CYP2C8: variants seen among roughly 807,000 people sequenced by gnomAD.
The protein encoded by CYP2C8 is cytochrome P450 family 2 subfamily C member 8, also known as cytochrome P450 2C8.
CYP2C8 carries 51 observed loss-of-function variants against 41.3 expected under a neutral mutation model. That is an observed-to-expected ratio of 1.24 (90% confidence interval 0.99 to 1.56). The LOEUF is 1.56. CYP2C8 is among the 40% of genes most tolerant of loss of function. CYP2C8 has a pLI of 0.00. For missense variants in CYP2C8, 651 were observed against 579.9 expected, an observed-to-expected ratio of 1.12 and a Z score of -1.26; for synonymous variants, 218 against 205.8, an observed-to-expected ratio of 1.06 and a Z score of -0.51.
intron 1 of CYP2C8, 72 bp from the exon 2 acceptor site, chr10:95,067,763 G>T: frequency 7.0e-7 from 1 of 1,427,110 alleles, no homozygotes; most frequent in South Asian, 1.2e-5. Flanking sequence ...GATTCAGACT[G>T]ACATTTTCAT....
At chr10:95,052,968 G>T (rs113158802) in intron 5 of CYP2C8, among the ~76,000 whole-genome samples, 158 of 151,998 alleles carry the variant, frequency 1.0e-3, no homozygotes, top group African/African-American at 3.7e-3. Flanking sequence ...AGATACAAAG[G>T]GGATCCCAAT....
intron 5 of CYP2C8, among the ~76,000 whole-genome samples, chr10:95,056,646 A>G (rs1179849207): frequency 1.3e-5 from 2 of 152,234 alleles, no homozygotes; most frequent in Non-Finnish European, 2.9e-5. Context: ...AGAAGCCAGG[A>G]AAAAAGATCA....
At chr10:95,069,203 C>A (rs1446178965) in intron 1 of CYP2C8, 32 bp downstream of exon 1, 1 of 1,613,056 alleles carries the variant, frequency 6.2e-7, no homozygotes, top group Non-Finnish European at 8.5e-7. Context: ...TTACCCTTTG[C>A]AATTGGCTGG....
At chr10:95,064,680 A>T in intron 4 of CYP2C8, 120 bp downstream of exon 4, 1 of 967,866 alleles carries the variant, frequency 1.0e-6, no homozygotes, top group Non-Finnish European at 1.6e-6. Flanking sequence ...TATTTTCTTC[A>T]CTCATACATC....
At chr10:95,067,090 G>T (rs1030167912) in intron 3 of CYP2C8, 118 bp downstream of exon 3, 1 of 1,405,510 alleles carries the variant, frequency 7.1e-7, no homozygotes, top group Non-Finnish European at 1.0e-6. Context: ...TCCACCACCT[G>T]AGGGCTGACA....
At chr10:95,048,055 T>C (rs1042714625) in intron 5 of CYP2C8, among the ~76,000 whole-genome samples, 3 of 152,152 alleles carry the variant, frequency 2.0e-5, no homozygotes, top group South Asian at 2.1e-4. Context: ...GCCCTTTCCA[T>C]GGATTACTAA....
At chr10:95,041,173 T>TA (rs748983906) in intron 7 of CYP2C8, among the ~76,000 whole-genome samples, 14 of 152,166 alleles carry the variant, frequency 9.2e-5, no homozygotes, top group Non-Finnish European at 1.6e-4. Context: ...CAAATTTATA[T>TA]AAAAATGAGA....
chr10:95,066,782 T>C (rs1315488616), intron 3 of CYP2C8, among the ~76,000 whole-genome samples: 1 of 152,180 alleles, frequency 6.6e-6, no homozygotes, highest in Non-Finnish European at 1.5e-5. Flanking sequence ...ATAACTTGGT[T>C]CATATTTCAT....
chr10:95,062,240 T>G (rs2033452532), intron 4 of CYP2C8, among the ~76,000 whole-genome samples: 1 of 152,134 alleles, frequency 6.6e-6, no homozygotes, highest in Non-Finnish European at 1.5e-5. Flanking sequence ...GACAGTGGGG[T>G]GTTAAAGTCT....
intron 4 of CYP2C8, among the ~76,000 whole-genome samples, chr10:95,063,447 T>C (rs1442646391): frequency 6.6e-6 from 1 of 152,260 alleles, no homozygotes; most frequent in Non-Finnish European, 1.5e-5. Context: ...CTGAAGCTTG[T>C]GCATGTGTCA....
At chr10:95,039,506 G>A (rs1254062913) in intron 7 of CYP2C8, 1 of 170,944 alleles carries the variant, frequency 5.8e-6, no homozygotes, top group Non-Finnish European at 1.3e-5. Flanking sequence ...GCAATAAGAA[G>A]TAAAAACTAT....
rs772656000 is a variant in CYP2C8, at chr10:95,042,892, TG to T, written c.1146del (p.Lys383ArgfsTer5). On this transcript the variant is annotated frameshift_variant, in exon 7 of 9. Coordinates refer to ENST00000371270, the MANE Select transcript of CYP2C8 (RefSeq NM_000770.3). LOFTEE classifies it high-confidence loss of function. ...TAGTGTAAGAGAAACAAGCTTACCT[TG>T]GGGATGAGGTAGTTTCTGAACTTAG... The part of the protein sequence containing the change: ...TDTKFRNYLI[P>X]KGTTIMALLT... 1.2e-6 allele frequency: 2 copies of T among 1,612,742 alleles called. No individual in the cohort carries two copies. Among genetic ancestry groups the T allele is most frequent in the South Asian group, 1.1e-5 (1 of 91,038 alleles).
At chr10:95,068,821 G>A (rs1372378101) in intron 1 of CYP2C8, among the ~76,000 whole-genome samples, 1 of 152,184 alleles carries the variant, frequency 6.6e-6, no homozygotes, top group Non-Finnish European at 1.5e-5. Context: ...AGCACTTTGG[G>A]AGGCCAAGGC....
chr10:95,038,680 A>G (rs1251715223), intron 8 of CYP2C8, among the ~76,000 whole-genome samples: 1 of 152,088 alleles, frequency 6.6e-6, no homozygotes, highest in Non-Finnish European at 1.5e-5. Flanking sequence ...CATTTTCTCA[A>G]TTGGGAACAA....
intron 5 of CYP2C8, among the ~76,000 whole-genome samples, chr10:95,053,868 C>T (rs1156684643): frequency 6.6e-6 from 1 of 152,054 alleles, no homozygotes; most frequent in African/African-American, 2.4e-5. Context: ...ACCACCATGG[C>T]ACATGTATAC....
chr10:95,038,936 T>C lies in CYP2C8; in HGVS notation c.1252A>G (p.Asn418Asp), dbSNP rs552247471. The change falls in exon 8 of 9, where the codon AAC becomes GAC. Residue 418 changes from asparagine (N) to aspartate (D), a missense_variant. Transcript: ENST00000371270. ...ATGAAGTAGTCACTTTTCTTAAAGTTGCCATTCTTATCTAGAAAGTGGCCA... is the reference window on the plus strand; with the variant it reads ...ATGAAGTAGTCACTTTTCTTAAAGTCGCCATTCTTATCTAGAAAGTGGCCA... ...DPGHFLDKNG[N>D]FKKSDYFMPF... 3 of 1,614,042 alleles carry C rather than the reference T, an allele frequency of 1.9e-6. No individual in the cohort carries two copies. Among genetic ancestry groups the C allele is most frequent in the Admixed American group, 1.7e-5 (1 of 60,032 alleles).
At position 95,037,151 on chromosome 10, in the gene CYP2C8, G is replaced by T. The variant is rs764390443; in HGVS notation, c.1450C>A (p.Gln484Lys). Residue 484 changes from glutamine to lysine, a missense_variant, in exon 9 of 9, where the codon CAG (glutamine) becomes AAG (lysine). Physicochemically the swap from Gln to Lys is moderately conservative, Grantham distance 53. Transcript: ENST00000371270. ...CTTCAGACAGGGATGAAGCAGATCT[G>T]GTATGAGGGTGGCAGAGAAACAATC... ...KGIVSLPPSY[Q>K]ICFIPV 3 of 1,613,922 alleles carry T rather than the reference G, an allele frequency of 1.9e-6. No homozygotes were observed. Among genetic ancestry groups the T allele is most frequent in the Non-Finnish European group, 2.5e-6 (3 of 1,179,846 alleles).
Position 95,037,203 on chromosome 10 carries a change from G to T in CYP2C8, c.1398C>A (p.Asn466Lys). 2 of 1,613,902 alleles carry T rather than the reference G, an allele frequency of 1.2e-6. No homozygotes were observed. The highest frequency in any genetic ancestry group is 2.2e-5 in the South Asian group (2 of 91,072). Reference protein sequence around the residue: ...FNLKSVDDLKNLNTTAVTKGI... With the variant: ...FNLKSVDDLKKLNTTAVTKGI... ...CTTTGGTAACTGCAGTAGTATTGAG[G>T]TTCTTTAAATCATCAACAGATTTCA... Residue 466 changes from asparagine (N) to lysine (K), a missense_variant, in exon 9 of 9, where the codon AAC (asparagine) becomes AAA (lysine). Asn to Lys is a moderately conservative substitution (Grantham distance 94). Transcript: ENST00000371270.
At chr10:95,053,234 T>C (rs979386830) in intron 5 of CYP2C8, among the ~76,000 whole-genome samples, 3 of 152,160 alleles carry the variant, frequency 2.0e-5, no homozygotes, top group Non-Finnish European at 2.9e-5. Context: ...TCACACCAGT[T>C]AGAATGGTGA....
Sources: allele counts gnomAD v4.1 joint callset (sites outside exome capture counted in the v4.1 genomes callset), GRCh38; gene constraint gnomAD v4.1.1; transcripts MANE v1.5; gene names NCBI Gene and HGNC (gene_info 2026-07-23, HGNC 2026-07-21).